Variants in SV2B observed in about 807,000 individuals in gnomAD.
SV2B encodes the protein synaptic vesicle glycoprotein 2B, also known as solute carrier family 22 member B2.
A neutral mutation model predicts 73.9 loss-of-function variants in SV2B; 41 were observed. The observed-to-expected ratio is 0.56, with a 90% CI of 0.43 to 0.72. The LOEUF (loss-of-function observed/expected upper bound fraction) is 0.72. SV2B is among the 30% of genes least tolerant of loss of function. The probability of loss-of-function intolerance (pLI) is 0.00; values close to 1 mark genes in which losing one functional copy is unlikely to be tolerated. For missense variants in SV2B, 764 were observed against 857.8 expected (o/e 0.89, Z 1.37); for synonymous variants, 314 against 314.2 (o/e 1.00, Z 0.01).
chr15:91,116,779 G>A (rs1260514445), intron 1 of SV2B, among the ~76,000 whole-genome samples: 2 of 152,146 alleles, frequency 1.3e-5, no homozygotes, highest in African/African-American at 2.4e-5. Context: ...AAGAAAAAGA[G>A]GTTTAATGGA....
chr15:91,163,830 T>G (rs2043813864), intron 1 of SV2B, among the ~76,000 whole-genome samples: 1 of 152,216 alleles, frequency 6.6e-6, no homozygotes, highest in Non-Finnish European at 1.5e-5. Flanking sequence ...AGTCATGAAG[T>G]CCTTGCCCAT....
intron 1 of SV2B, among the ~76,000 whole-genome samples, chr15:91,163,102 T>C (rs2043783916): frequency 6.6e-6 from 1 of 152,228 alleles, no homozygotes; most frequent in African/African-American, 2.4e-5. Context: ...CTCATCCTTT[T>C]TTATGGCTGC....
chr15:91,243,738 G>C (rs1276832391), intron 2 of SV2B, among the ~76,000 whole-genome samples: 1 of 152,126 alleles, frequency 6.6e-6, no homozygotes, highest in East Asian at 1.9e-4. Context: ...TATATGGTTG[G>C]AGAGAGAACT....
intron 1 of SV2B, among the ~76,000 whole-genome samples, chr15:91,163,130 A>G (rs1200499054): frequency 6.6e-6 from 1 of 152,202 alleles, no homozygotes; most frequent in Non-Finnish European, 1.5e-5. Context: ...TCCATGGTGT[A>G]TATGTGCCAC....
At chr15:91,209,120 T>G (rs887761983) in intron 1 of SV2B, among the ~76,000 whole-genome samples, 36 of 140,492 alleles carry the variant, frequency 2.6e-4, no homozygotes, top group South Asian at 7.0e-4. Flanking sequence ...TTTTGTTTTT[T>G]TTTTTTTTTT....
chr15:91,220,917 GCA>G lies in SV2B; in HGVS notation c.-391-4955_-391-4954del, dbSNP rs371313422. On this transcript the variant is annotated intron_variant, in intron 1 of 12. Coordinates refer to ENST00000394232, the MANE Select transcript of SV2B (RefSeq NM_001323032.3). The surrounding 1 kb of genome is among the most constrained non-coding windows in gnomAD (Gnocchi z 4.1). ...CTCTCTCTTTCACCCAGGCTGGAGG[GCA>G]GTGACATGATCTTGGCTCACTGCAA... Among the ~76,000 whole-genome samples, 475 of 152,058 alleles carry G rather than the reference GCA, an allele frequency of 3.1e-3. 7 individuals carry two copies. The highest frequency in any genetic ancestry group is 0.011 in the African/African-American group (460 of 41,428).
At chr15:91,200,384 C>G (rs898381940) in intron 1 of SV2B, among the ~76,000 whole-genome samples, 1 of 152,170 alleles carries the variant, frequency 6.6e-6, no homozygotes, top group African/African-American at 2.4e-5. Context: ...AGAAGGGAGA[C>G]AAATGCCATA....
At chr15:91,203,545 T>C (rs2045533735) in intron 1 of SV2B, among the ~76,000 whole-genome samples, 1 of 152,272 alleles carries the variant, frequency 6.6e-6, no homozygotes, top group African/African-American at 2.4e-5. Flanking sequence ...ATTCAAACAC[T>C]ATTAAGTTTC....
chr15:91,153,747 T>A (rs907784597), intron 1 of SV2B, among the ~76,000 whole-genome samples: 2 of 145,822 alleles, frequency 1.4e-5, no homozygotes, highest in Admixed American at 7.0e-5. Context: ...TGAGGGTCAG[T>A]TCCTATTGTG....
chr15:91,120,263 G>A (rs2042293469), intron 1 of SV2B, among the ~76,000 whole-genome samples: 1 of 152,190 alleles, frequency 6.6e-6, no homozygotes, highest in Admixed American at 6.5e-5. Flanking sequence ...TGAAGGGGAA[G>A]CAAGCACCTT....
intron 1 of SV2B, among the ~76,000 whole-genome samples, chr15:91,166,113 T>A (rs1256798588): frequency 6.6e-6 from 1 of 152,230 alleles, no homozygotes; most frequent in Non-Finnish European, 1.5e-5. Flanking sequence ...CAGCAGTTTT[T>A]AACTTCAGCA....
intron 1 of SV2B, among the ~76,000 whole-genome samples, chr15:91,192,156 T>C (rs1011457423): frequency 1.3e-5 from 2 of 152,236 alleles, no homozygotes; most frequent in Admixed American, 1.3e-4. Context: ...CTTGTTAACA[T>C]ATTTATTCAC....
intron 1 of SV2B, among the ~76,000 whole-genome samples, chr15:91,175,226 T>G (rs920391198): frequency 1.6e-4 from 24 of 152,134 alleles, no homozygotes; most frequent in African/African-American, 5.8e-4. Context: ...TATTGGGTGT[T>G]TTAAGGGAAA....
rs555321058 is a variant in SV2B, at chr15:91,297,794, A to G, written c.*5242A>G. On this transcript the variant is annotated 3_prime_UTR_variant, in exon 13 of 13. Coordinates refer to ENST00000394232, the MANE Select transcript of SV2B (RefSeq NM_001323032.3). The surrounding 1 kb of genome is among the most constrained non-coding windows in gnomAD (Gnocchi z 5.1). ...AACAGTAACCCAAAAATGTCAATGA[A>G]AATATTTCCTTCCCCAGAAACTGCT... The G allele has an allele frequency of 6.6e-6, 1 of 152,284 alleles. No individual in the cohort carries two copies. Among genetic ancestry groups the G allele is most frequent in the African/African-American group, 2.4e-5 (1 of 41,556 alleles). 9.4% of individuals were successfully genotyped at this position (152,284 alleles called of 1,614,324 possible). A position where few individuals can be genotyped will look rare whatever the true frequency, so the allele number is the denominator to read the frequency against.
At chr15:91,143,584 T>C (rs1321864956) in intron 1 of SV2B, among the ~76,000 whole-genome samples, 2 of 152,214 alleles carry the variant, frequency 1.3e-5, no homozygotes, top group Non-Finnish European at 2.9e-5. Flanking sequence ...TTACAAAATA[T>C]AGTAATTCTC....
Position 91,231,563 on chromosome 15 carries a change from T to C in SV2B, c.451+4849T>C, listed in dbSNP as rs181066637. On this transcript the variant is annotated intron_variant, in intron 2 of 12. Transcript: ENST00000394232. This position sits in a 1 kb window ranked among gnomAD's most constrained non-coding sequence, Gnocchi z 4.5. ...GCACCAACCTATAGGATGACAATAT[T>C]GGCGACACGTAAGGCAAACCAACCC... 4.3e-4 allele frequency among the ~76,000 whole-genome samples: 65 copies of C among 152,176 alleles called. No homozygotes were observed. The highest frequency in any genetic ancestry group is 1.2e-3 in the African/African-American group (49 of 41,490).
At position 91,129,248 on chromosome 15, in the gene SV2B, A is replaced by G. The variant is rs2042574274; in HGVS notation, c.-392+28885A>G. On this transcript the variant is annotated intron_variant, in intron 1 of 12. Coordinates refer to ENST00000394232, the MANE Select transcript of SV2B (RefSeq NM_001323032.3). This position sits in a 1 kb window ranked among gnomAD's most constrained non-coding sequence, Gnocchi z 5.1. ...AGTAGGTCAAAGATATCCAACCTTA[A>G]GAAAGTTAGAGTCAAGTGGGTTGAA... 6.6e-6 allele frequency among the ~76,000 whole-genome samples: 1 copy of G among 152,242 alleles called. No homozygotes were observed. The highest frequency in any genetic ancestry group is 2.1e-4 in the South Asian group (1 of 4,834).
At position 91,293,510 on chromosome 15, in the gene SV2B, T is replaced by G. The variant is rs926397709; in HGVS notation, c.*958T>G. ...GTAGTGAGTAGTTACTTCTCTCCCT[T>G]ACACAGATGACTTGTGAAACTCAAG... On this transcript the variant is annotated 3_prime_UTR_variant, in exon 13 of 13. Transcript: ENST00000394232. 1 of 152,232 alleles carries G rather than the reference T, an allele frequency of 6.6e-6. No individual in the cohort carries two copies. Among genetic ancestry groups the G allele is most frequent in the African/African-American group, 2.4e-5 (1 of 41,454 alleles). 9.4% of individuals were successfully genotyped at this position (152,232 alleles called of 1,614,324 possible).
At chr15:91,221,693 G>GCA (rs3082137) in intron 1 of SV2B, among the ~76,000 whole-genome samples, 62,033 of 139,786 alleles carry the variant, frequency 0.44, 15,063 homozygotes, top group East Asian at 0.66. Context: ...AAGCATGTGC[G>GCA]CACACACACA....
Sources: allele counts gnomAD v4.1 joint callset (sites outside exome capture counted in the v4.1 genomes callset), GRCh38; gene constraint gnomAD v4.1.1; non-coding constraint Gnocchi (gnomAD v3.1); transcripts MANE v1.5; gene names NCBI Gene and HGNC (gene_info 2026-07-23, HGNC 2026-07-21).